Variants in NEGR1 observed in about 807,000 individuals in gnomAD.
NEGR1 encodes IgLON family member 4.
NEGR1 carries 10 observed loss-of-function variants against 40.9 expected under a neutral mutation model. The observed-to-expected ratio is 0.24, with a 90% confidence interval of 0.15 to 0.42. The LOEUF (loss-of-function observed/expected upper bound fraction) is 0.42. Ranked by LOEUF, NEGR1 falls within the 10% of genes least tolerant of loss-of-function variation. The pLI is 1.00. For synonymous variants in NEGR1, 185 were observed against 166.8 expected, an observed-to-expected ratio of 1.11 and a Z score of -0.84; for missense variants, 352 against 438.9, an observed-to-expected ratio of 0.80 and a Z score of 1.77.
At chr1:72,226,420 C>A (rs1314881302) in intron 1 of NEGR1, among the ~76,000 whole-genome samples, 2 of 151,942 alleles carry the variant, frequency 1.3e-5, no homozygotes, top group Non-Finnish European at 2.9e-5. Flanking sequence ...AGGACATATA[C>A]CTACTTTCTG....
intron 2 of NEGR1, among the ~76,000 whole-genome samples, chr1:71,929,507 A>G (rs1033332532): frequency 3.3e-5 from 5 of 152,160 alleles, no homozygotes; most frequent in Non-Finnish European, 7.3e-5. Flanking sequence ...TCCTGAATAA[A>G]ACAGACTAGG....
At chr1:71,755,766 T>C (rs1325041013) in intron 3 of NEGR1, among the ~76,000 whole-genome samples, 1 of 152,220 alleles carries the variant, frequency 6.6e-6, no homozygotes, top group Non-Finnish European at 1.5e-5. Flanking sequence ...CTCTTCATAT[T>C]ATGTCTCTTC....
intron 1 of NEGR1, among the ~76,000 whole-genome samples, chr1:72,025,130 G>A (rs1293381789): frequency 6.6e-6 from 1 of 152,092 alleles, no homozygotes; most frequent in Non-Finnish European, 1.5e-5. Context: ...TTTCAGTCTA[G>A]ACTCCAAAAC....
rs1235509876 is a variant in NEGR1, at chr1:72,098,364, C to G, written c.177-163053G>C. Among the ~76,000 whole-genome samples the G allele has an allele frequency of 2.0e-5, 3 of 152,120 alleles. No homozygotes were observed. In the East Asian group the frequency reaches 5.8e-4, roughly 29 times the overall value. On this transcript the variant is annotated intron_variant, in intron 1 of 6. Transcript: ENST00000357731. ...ACTGGAAACAGTCATATTCTCCCAC[C>G]ATTATGTTAAATAATACAGGGTGCA...
chr1:71,947,097 C>T (rs937913333), intron 1 of NEGR1, among the ~76,000 whole-genome samples: 2,171 of 108,340 alleles, frequency 0.02, 32 homozygotes, highest in Middle Eastern at 0.11. Flanking sequence ...CATACACACA[C>T]ACACACACAC....
chr1:71,933,308 G>T (rs190511148), intron 2 of NEGR1, among the ~76,000 whole-genome samples: 2 of 152,062 alleles, frequency 1.3e-5, no homozygotes, highest in Admixed American at 1.3e-4. Flanking sequence ...CTTAAATACC[G>T]ATAGTCTGGG....
At chr1:71,764,481 T>C (rs1656053187) in intron 3 of NEGR1, among the ~76,000 whole-genome samples, 1 of 152,118 alleles carries the variant, frequency 6.6e-6, no homozygotes. Context: ...ACTATGGAAA[T>C]GATGTTAGAC....
At chr1:71,980,068 A>G (rs565250613) in intron 1 of NEGR1, among the ~76,000 whole-genome samples, 12 of 152,292 alleles carry the variant, frequency 7.9e-5, no homozygotes, top group African/African-American at 2.9e-4. Context: ...CCTGCATAAT[A>G]ACAATATGCA....
chr1:72,204,478 T>C (rs1653327235), intron 1 of NEGR1, among the ~76,000 whole-genome samples: 1 of 152,272 alleles, frequency 6.6e-6, no homozygotes. Context: ...AACTTCTGTG[T>C]TTCTCAGTTC....
chr1:71,920,393 C>G (rs369523981), intron 2 of NEGR1, among the ~76,000 whole-genome samples: 1 of 152,232 alleles, frequency 6.6e-6, no homozygotes, highest in African/African-American at 2.4e-5. Context: ...AACTTTCAAG[C>G]AGTATACTAT....
intron 1 of NEGR1, among the ~76,000 whole-genome samples, chr1:71,948,583 T>TA (rs989437737): frequency 1.3e-5 from 2 of 151,732 alleles, no homozygotes; most frequent in Non-Finnish European, 2.9e-5. Flanking sequence ...ACATGTATAG[T>TA]AAAAAAAGTG....
At chr1:71,751,410 A>G (rs1655566051) in intron 3 of NEGR1, among the ~76,000 whole-genome samples, 1 of 152,228 alleles carries the variant, frequency 6.6e-6, no homozygotes, top group Admixed American at 6.5e-5. Flanking sequence ...AACACAATGA[A>G]TCCCTGTTAA....
intron 1 of NEGR1, among the ~76,000 whole-genome samples, chr1:72,041,563 G>A (rs558446506): frequency 2.0e-5 from 3 of 150,488 alleles, no homozygotes; most frequent in East Asian, 3.9e-4. Flanking sequence ...AAAGAGACAG[G>A]GTAAGTCACC....
intron 1 of NEGR1, among the ~76,000 whole-genome samples, chr1:72,072,263 C>T (rs1044449407): frequency 6.6e-6 from 1 of 152,110 alleles, no homozygotes; most frequent in Non-Finnish European, 1.5e-5. Context: ...AAGGAGACTA[C>T]ATTATTCATC....
chr1:71,921,663 T>C (rs1461883923), intron 2 of NEGR1, among the ~76,000 whole-genome samples: 1 of 146,934 alleles, frequency 6.8e-6, no homozygotes, highest in African/African-American at 2.5e-5. Flanking sequence ...TATAAGAATA[T>C]ATATAGAATA....
chr1:72,156,778 A>T (rs1307891267), intron 1 of NEGR1, among the ~76,000 whole-genome samples: 1 of 152,144 alleles, frequency 6.6e-6, no homozygotes, highest in African/African-American at 2.4e-5. Flanking sequence ...AAATTGATAA[A>T]TGTTTTTCTT....
intron 2 of NEGR1, among the ~76,000 whole-genome samples, chr1:71,872,314 A>G (rs1660302072): frequency 6.6e-6 from 1 of 152,142 alleles, no homozygotes; most frequent in Non-Finnish European, 1.5e-5. Context: ...CTTTAGTTTT[A>G]GGTTTTCTAA....
chr1:71,635,489 G>A (rs890070954), intron 4 of NEGR1, among the ~76,000 whole-genome samples: 42 of 152,002 alleles, frequency 2.8e-4, no homozygotes, highest in African/African-American at 1.0e-3. Flanking sequence ...GATGAGAAGG[G>A]GTTTGAGAGA....
intron 6 of NEGR1, among the ~76,000 whole-genome samples, chr1:71,545,865 T>C (rs889789327): frequency 1.7e-4 from 26 of 151,702 alleles, no homozygotes; most frequent in African/African-American, 5.1e-4. Context: ...TTTTGGATCC[T>C]AATTAGCTGT....
Sources: allele counts gnomAD v4.1 joint callset (sites outside exome capture counted in the v4.1 genomes callset), GRCh38; gene constraint gnomAD v4.1.1; transcripts MANE v1.5; gene names NCBI Gene and HGNC (gene_info 2026-07-23, HGNC 2026-07-21).